Variants in ITGBL1 observed in about 807,000 individuals in gnomAD.
ITGBL1 encodes the protein integrin beta-like protein 1.
Under a neutral mutation model 68.5 loss-of-function variants are expected in ITGBL1, and 51 were observed. The ratio of observed to expected loss-of-function variants is 0.74; its 90% CI spans 0.59 to 0.94. The LOEUF (loss-of-function observed/expected upper bound fraction) is 0.94. Among genes scored for constraint, ITGBL1 ranks in the 40% least tolerant of loss-of-function variants. The pLI is 0.00. For missense variants in ITGBL1, 649 were observed against 647.4 expected (o/e 1.00, Z -0.03); for synonymous variants, 209 against 227.3 (o/e 0.92, Z 0.72).
intron 2 of ITGBL1, among the ~76,000 whole-genome samples, chr13:101,546,199 A>C (rs778911805): frequency 2.7e-4 from 41 of 152,210 alleles, no homozygotes; most frequent in Non-Finnish European, 4.9e-4. Flanking sequence ...AACTGTAAAG[A>C]AAAGCAAATA....
At chr13:101,607,009 C>A (rs1173718622) in intron 7 of ITGBL1, among the ~76,000 whole-genome samples, 1 of 151,878 alleles carries the variant, frequency 6.6e-6, no homozygotes, top group African/African-American at 2.4e-5. Flanking sequence ...ATTCTTGTAG[C>A]AGGATTCATG....
chr13:101,554,032 C>A (rs1290343448), intron 2 of ITGBL1, among the ~76,000 whole-genome samples: 24 of 152,140 alleles, frequency 1.6e-4, no homozygotes, highest in Non-Finnish European at 5.9e-5. Flanking sequence ...TCTCGGCCTC[C>A]CAAAGTTCTG....
At position 101,715,578 on chromosome 13, in the gene ITGBL1, G is replaced by A. The variant is rs781024661; in HGVS notation, c.1409G>A (p.Ser470Asn). ...GLICTGNGIC[S>N]CGNCECWDGW... ...TTTATTGCAGGGAATGGAATATGTA[G>A]CTGTGGAAACTGTGAATGCTGGGAT... Residue 470 changes from serine to asparagine, a missense_variant, in exon 11 of 11, where the codon AGC becomes AAC. Transcript: ENST00000376180. The A allele has an allele frequency of 2.9e-5, 47 of 1,612,240 alleles. No individual in the cohort carries two copies. The highest frequency in any genetic ancestry group is 3.6e-5 in the Non-Finnish European group (43 of 1,178,488).
chr13:101,556,628 G>A (rs765816857), intron 2 of ITGBL1, among the ~76,000 whole-genome samples: 29 of 151,476 alleles, frequency 1.9e-4, no homozygotes, highest in African/African-American at 4.4e-4. Flanking sequence ...GGGAAATTCC[G>A]TCTCAAAAAA....
Position 101,692,689 on chromosome 13 carries a change from G to A in ITGBL1, c.1120G>A (p.Val374Met). The change falls in exon 8 of 11, where the codon GTG (valine) becomes ATG (methionine). Residue 374 changes from valine (V) to methionine (M), a missense_variant. Coordinates refer to ENST00000376180, the MANE Select transcript of ITGBL1 (RefSeq NM_004791.3). ...DDRRCEDLDG[V>M]VCGGHGTCSC... ...TCGCCGCTGTGAAGACCTCGATGGTGTGGTCTGTGGAGGTAGTAACCTTTC... is the reference window on the plus strand; with the variant it reads ...TCGCCGCTGTGAAGACCTCGATGGTATGGTCTGTGGAGGTAGTAACCTTTC... The A allele has an allele frequency of 1.9e-6, 3 of 1,611,220 alleles. No homozygotes were observed. Among genetic ancestry groups the A allele is most frequent in the Non-Finnish European group, 1.7e-6 (2 of 1,177,434 alleles).
intron 7 of ITGBL1, among the ~76,000 whole-genome samples, chr13:101,658,107 C>T (rs2032982235): frequency 1.3e-5 from 2 of 152,090 alleles, no homozygotes; most frequent in South Asian, 4.1e-4. Flanking sequence ...GAAATTCTGT[C>T]AGGTATAATT....
intron 7 of ITGBL1, among the ~76,000 whole-genome samples, chr13:101,675,460 A>G (rs1270505584): frequency 6.6e-6 from 1 of 152,024 alleles, no homozygotes; most frequent in Non-Finnish European, 1.5e-5. Context: ...AGTAAGGTTG[A>G]TTTCTTCCAA....
chr13:101,593,745 T>C (rs2139313681), intron 6 of ITGBL1, among the ~76,000 whole-genome samples: 1 of 152,202 alleles, frequency 6.6e-6, no homozygotes, highest in Admixed American at 6.5e-5. Flanking sequence ...AAAATGTGGT[T>C]ACCAGAGACG....
intron 8 of ITGBL1, among the ~76,000 whole-genome samples, chr13:101,697,488 T>C (rs1290011439): frequency 1.3e-5 from 2 of 152,232 alleles, no homozygotes; most frequent in Admixed American, 6.5e-5. Flanking sequence ...CATTTTTTCA[T>C]GTAAGATTTA....
chr13:101,630,552 C>T (rs545511436), intron 7 of ITGBL1, among the ~76,000 whole-genome samples: 25 of 152,288 alleles, frequency 1.6e-4, no homozygotes, highest in African/African-American at 4.1e-4. Flanking sequence ...GTTTCTTCAA[C>T]GTCACATCTG....
At chr13:101,678,262 G>A (rs887047893) in intron 7 of ITGBL1, among the ~76,000 whole-genome samples, 2 of 152,098 alleles carry the variant, frequency 1.3e-5, no homozygotes, top group African/African-American at 4.8e-5. Context: ...GTTTATTTTG[G>A]TAGAGTCAAA....
chr13:101,651,442 A>T (rs905721902), intron 7 of ITGBL1, among the ~76,000 whole-genome samples: 9 of 152,014 alleles, frequency 5.9e-5, no homozygotes, highest in Non-Finnish European at 1.2e-4. Flanking sequence ...CTTTTTTCGT[A>T]TATTTGTTGG....
Position 101,639,347 on chromosome 13 carries a change from A to G in ITGBL1, c.1015+41048A>G, listed in dbSNP as rs190644902. 3.5e-3 allele frequency among the ~76,000 whole-genome samples: 528 copies of G among 152,282 alleles called. 3 individuals carry two copies. Among genetic ancestry groups the G allele is most frequent in the Non-Finnish European group, 4.5e-3 (307 of 68,014 alleles). ...GATAAAATAATTGCTTGAATAATCA[A>G]TTTTTGGAAAGACTGATAATGTTGC... is the stretch of plus-strand genomic sequence containing the variant. On this transcript the variant is annotated intron_variant, in intron 7 of 10. Transcript: ENST00000376180.
intron 7 of ITGBL1, among the ~76,000 whole-genome samples, chr13:101,674,540 T>C (rs2033453937): frequency 6.6e-6 from 1 of 151,672 alleles, no homozygotes; most frequent in Non-Finnish European, 1.5e-5. Flanking sequence ...AGGAAGTTAC[T>C]TTCTATTTCT....
chr13:101,467,223 G>GC (rs1380908277), intron 2 of ITGBL1, among the ~76,000 whole-genome samples: 1 of 152,166 alleles, frequency 6.6e-6, no homozygotes, highest in East Asian at 1.9e-4. Context: ...TATCATAGCA[G>GC]CCGGTCTACT....
chr13:101,702,550 T>A (rs1243860763), intron 8 of ITGBL1, among the ~76,000 whole-genome samples: 1 of 151,918 alleles, frequency 6.6e-6, no homozygotes, highest in Non-Finnish European at 1.5e-5. Context: ...TAATATGTAT[T>A]TTCATTTTCC....
chr13:101,651,779 T>C (rs2032760266), intron 7 of ITGBL1, among the ~76,000 whole-genome samples: 1 of 152,206 alleles, frequency 6.6e-6, no homozygotes, highest in Non-Finnish European at 1.5e-5. Flanking sequence ...ACCTAGATTT[T>C]CTTCTAGGGT....
rs1029853217 is a variant in ITGBL1 at position 101,471,558 on chromosome 13, G to A, written c.316+17458G>A. On this transcript the variant is annotated intron_variant, in intron 2 of 10. Transcript: ENST00000376180. ...TGTGTGTGTGTGTGTGTGTGTGTGTGTGTGTGTGTGTATATATATTTCTCA... is the reference window on the plus strand; with the variant it reads ...TGTGTGTGTGTGTGTGTGTGTGTGTATGTGTGTGTGTATATATATTTCTCA... 4.2e-4 allele frequency among the ~76,000 whole-genome samples: 55 copies of A among 130,790 alleles called. No homozygotes were observed. In the South Asian group the frequency reaches 0.013, roughly 30 times the overall value. 85.8% of individuals were successfully genotyped at this position (130,790 alleles called of 152,430 possible). A position where few individuals can be genotyped will look rare whatever the true frequency, so the allele number is the denominator to read the frequency against.
intron 2 of ITGBL1, among the ~76,000 whole-genome samples, chr13:101,518,949 T>C (rs1411025352): frequency 6.6e-6 from 1 of 152,200 alleles, no homozygotes; most frequent in Non-Finnish European, 1.5e-5. Context: ...TGTTTTTAGC[T>C]ATTATACTTA....
Sources: allele counts gnomAD v4.1 joint callset (sites outside exome capture counted in the v4.1 genomes callset), GRCh38; gene constraint gnomAD v4.1.1; transcripts MANE v1.5; gene names NCBI Gene and HGNC (gene_info 2026-07-23, HGNC 2026-07-21).